The following ANAPC10 variants were observed in gnomAD, a reference collection of about 807,000 sequenced individuals.
ANAPC10 encodes the protein anaphase promoting complex subunit 10.
Under a neutral mutation model 22.0 loss-of-function variants are expected in ANAPC10, and 12 were observed. That is an observed-to-expected ratio of 0.55 (90% CI 0.35 to 0.88). ANAPC10 has a LOEUF of 0.88. Among genes scored for constraint, ANAPC10 ranks in the 40% least tolerant of loss-of-function variants. The pLI, the probability that ANAPC10 is intolerant of heterozygous loss-of-function variation, is 0.01. For missense variants in ANAPC10, 188 were observed against 220.9 expected (o/e 0.85, Z 0.94); for synonymous variants, 65 against 69.5 (o/e 0.94, Z 0.32).
At chr4:144,997,041 A>C (rs1233906912) in intron 4 of ANAPC10, among the ~76,000 whole-genome samples, 1 of 152,158 alleles carries the variant, frequency 6.6e-6, no homozygotes, top group African/African-American at 2.4e-5. Context: ...TTAGAGAAAA[A>C]AGAGTAAAAA....
intron 4 of ANAPC10, among the ~76,000 whole-genome samples, chr4:145,043,461 C>G (rs1199525121): frequency 2.6e-5 from 4 of 152,074 alleles, no homozygotes; most frequent in African/African-American, 4.8e-5. Flanking sequence ...CTAACCCTGA[C>G]AAGTGTGGAG....
chr4:145,035,870 C>T (rs1291103312), intron 4 of ANAPC10, among the ~76,000 whole-genome samples: 3 of 152,170 alleles, frequency 2.0e-5, no homozygotes, highest in Non-Finnish European at 4.4e-5. Context: ...CACCCCTGGT[C>T]TTCCTCAGCA....
chr4:145,076,448 A>G (rs182480222), intron 3 of ANAPC10, among the ~76,000 whole-genome samples: 16 of 152,362 alleles, frequency 1.1e-4, no homozygotes, highest in Non-Finnish European at 2.4e-4. Context: ...AGTCCCATCT[A>G]AAGGACAGCA....
intron 3 of ANAPC10, among the ~76,000 whole-genome samples, chr4:145,081,004 T>C (rs1745932127): frequency 6.6e-6 from 1 of 151,328 alleles, no homozygotes; most frequent in Non-Finnish European, 1.5e-5. Flanking sequence ...GGCCCAGTGG[T>C]TCATGCCTGG....
intron 4 of ANAPC10, among the ~76,000 whole-genome samples, chr4:145,044,076 C>T (rs1459200317): frequency 6.6e-6 from 1 of 152,034 alleles, no homozygotes; most frequent in Non-Finnish European, 1.5e-5. Flanking sequence ...CTTCCTCCTG[C>T]ACCAGCACAA....
At chr4:145,042,393 T>TTAA (rs1452848106) in intron 4 of ANAPC10, among the ~76,000 whole-genome samples, 1 of 151,814 alleles carries the variant, frequency 6.6e-6, no homozygotes, top group African/African-American at 2.4e-5. Flanking sequence ...ACATTTATGA[T>TTAA]ATTTTCAGAT....
At chr4:145,004,696 C>T (rs773123716) in intron 4 of ANAPC10, among the ~76,000 whole-genome samples, 1 of 152,074 alleles carries the variant, frequency 6.6e-6, no homozygotes, top group Non-Finnish European at 1.5e-5. Flanking sequence ...GGATGAAGCC[C>T]ACTTGATGTT....
intron 4 of ANAPC10, among the ~76,000 whole-genome samples, chr4:145,029,664 T>C (rs1196309315): frequency 6.6e-6 from 1 of 152,150 alleles, no homozygotes; most frequent in Non-Finnish European, 1.5e-5. Flanking sequence ...GGTTATTTCC[T>C]TGGTTAGCTG....
chr4:145,094,984 G>T (rs1748284644), intron 2 of ANAPC10, among the ~76,000 whole-genome samples: 2 of 151,964 alleles, frequency 1.3e-5, no homozygotes, highest in Non-Finnish European at 2.9e-5. Context: ...GAGAGAAACG[G>T]CCAAAAAAAA....
At chr4:145,051,705 G>A (rs915834346) in intron 4 of ANAPC10, among the ~76,000 whole-genome samples, 1 of 151,964 alleles carries the variant, frequency 6.6e-6, no homozygotes, top group Non-Finnish European at 1.5e-5. Flanking sequence ...TAAGCCAACA[G>A]CCACATAGTT....
intron 4 of ANAPC10, among the ~76,000 whole-genome samples, chr4:145,028,702 G>C (rs1206540982): frequency 6.6e-6 from 1 of 152,138 alleles, no homozygotes; most frequent in Non-Finnish European, 1.5e-5. Flanking sequence ...TGTTTAGAGA[G>C]TTATGCAAAA....
chr4:145,033,530 C>T (rs551881144), intron 4 of ANAPC10, among the ~76,000 whole-genome samples: 68 of 152,262 alleles, frequency 4.5e-4, no homozygotes, highest in Middle Eastern at 3.4e-3. Context: ...TCTACTACTC[C>T]ACAATGGAAG....
intron 4 of ANAPC10, among the ~76,000 whole-genome samples, chr4:145,002,243 A>G (rs1344515966): frequency 6.6e-6 from 1 of 152,172 alleles, no homozygotes; most frequent in Non-Finnish European, 1.5e-5. Flanking sequence ...AAAAAGGTCT[A>G]ATATGATCCA....
At chr4:145,043,807 T>A (rs1431960300) in intron 4 of ANAPC10, among the ~76,000 whole-genome samples, 1 of 152,098 alleles carries the variant, frequency 6.6e-6, no homozygotes, top group Non-Finnish European at 1.5e-5. Context: ...AACTGGAGGA[T>A]CCATATTACC....
chr4:145,071,582 T>C (rs560476616), intron 3 of ANAPC10, among the ~76,000 whole-genome samples: 66 of 152,118 alleles, frequency 4.3e-4, no homozygotes, highest in Admixed American at 7.2e-4. Flanking sequence ...ATGATCCGTA[T>C]GAACAGATAC....
intron 4 of ANAPC10, among the ~76,000 whole-genome samples, chr4:144,999,960 C>A (rs910170972): frequency 1.3e-5 from 2 of 152,128 alleles, no homozygotes; most frequent in Non-Finnish European, 2.9e-5. Flanking sequence ...GGAAAGGATT[C>A]TCTATTTAAT....
At chr4:145,009,589 C>T (rs1444385059) in intron 4 of ANAPC10, among the ~76,000 whole-genome samples, 2 of 152,070 alleles carry the variant, frequency 1.3e-5, no homozygotes, top group Admixed American at 6.6e-5. Flanking sequence ...CCCTATTTAA[C>T]AAATGGTACT....
intron 4 of ANAPC10, among the ~76,000 whole-genome samples, chr4:145,004,679 A>T (rs199643136): frequency 1.3e-5 from 2 of 152,284 alleles, no homozygotes; most frequent in East Asian, 3.9e-4. Context: ...CCAACTTTGT[A>T]TTCCAGGGAT....
chr4:145,056,346 A>T (rs561283508), intron 4 of ANAPC10, among the ~76,000 whole-genome samples: 1 of 152,306 alleles, frequency 6.6e-6, no homozygotes, highest in South Asian at 2.1e-4. Context: ...AAGTTACCCT[A>T]TATGGTCTAA....
Sources: gnomAD v4.1 joint callset for allele counts (sites outside exome capture counted in the v4.1 genomes callset) on GRCh38, gnomAD v4.1.1 for gene constraint, MANE v1.5 for transcripts, NCBI Gene and HGNC (gene_info 2026-07-23, HGNC 2026-07-21) for gene names.